ANKRD6: variants seen among roughly 807,000 people sequenced by gnomAD.
ANKRD6 encodes the protein ankyrin repeat domain 6.
A neutral mutation model predicts 82.3 loss-of-function variants in ANKRD6; 56 were observed. The ratio of observed to expected loss-of-function variants is 0.68; its 90% CI spans 0.55 to 0.85. The LOEUF is 0.85. Among genes scored for constraint, ANKRD6 ranks in the 40% least tolerant of loss-of-function variants. The pLI, the probability that ANKRD6 is intolerant of heterozygous loss-of-function variation, is 0.00. For synonymous variants in ANKRD6, 347 were observed against 352.1 expected (o/e 0.99, Z 0.16); for missense variants, 852 against 907.6 (o/e 0.94, Z 0.79).
intron 1 of ANKRD6, among the ~76,000 whole-genome samples, chr6:89,559,942 C>T (rs1391063049): frequency 6.6e-6 from 1 of 152,064 alleles, no homozygotes; most frequent in Non-Finnish European, 1.5e-5. Context: ...ATCACAGGCT[C>T]CTGAAGACCA....
chr6:89,518,160 T>C (rs1781448658), intron 1 of ANKRD6, among the ~76,000 whole-genome samples: 1 of 152,038 alleles, frequency 6.6e-6, no homozygotes, highest in Non-Finnish European at 1.5e-5. Flanking sequence ...CCTAGCACTT[T>C]GGGAGGCCGA....
At chr6:89,613,136 G>T (rs1034152200) in intron 6 of ANKRD6, among the ~76,000 whole-genome samples, 4 of 152,172 alleles carry the variant, frequency 2.6e-5, no homozygotes, top group African/African-American at 9.7e-5. Context: ...GTTCTTTATT[G>T]TCTTTGTGGG....
At chr6:89,533,116 C>T (rs1037084839) in intron 1 of ANKRD6, among the ~76,000 whole-genome samples, 2 of 152,192 alleles carry the variant, frequency 1.3e-5, no homozygotes, top group South Asian at 4.2e-4. Context: ...ACCTCGTGAT[C>T]CACCTCCCTC....
At chr6:89,627,507 C>T (rs925526590) in intron 13 of ANKRD6, 76 bp from the exon 14 acceptor site, 3 of 1,379,828 alleles carry the variant, frequency 2.2e-6, no homozygotes, top group African/African-American at 2.8e-5. Context: ...TCCCCAAGCC[C>T]CTCTGCAGGA....
At chr6:89,484,615 A>G (rs1165323806) in intron 1 of ANKRD6, among the ~76,000 whole-genome samples, 2 of 152,218 alleles carry the variant, frequency 1.3e-5, no homozygotes, top group Non-Finnish European at 2.9e-5. Context: ...GCCTTTTGCA[A>G]TATGAGTTCA....
At chr6:89,437,071 T>G (rs1770733061) in intron 1 of ANKRD6, among the ~76,000 whole-genome samples, 1 of 152,198 alleles carries the variant, frequency 6.6e-6, no homozygotes, top group African/African-American at 2.4e-5. Flanking sequence ...TATAAGTATT[T>G]AAGTGAATGC....
intron 1 of ANKRD6, among the ~76,000 whole-genome samples, chr6:89,498,948 C>T (rs893796959): frequency 2.6e-5 from 4 of 152,168 alleles, no homozygotes; most frequent in Non-Finnish European, 4.4e-5. Flanking sequence ...GGCCCATTCC[C>T]AACCACTCTC....
chr6:89,536,196 C>T (rs1015636649), intron 1 of ANKRD6, among the ~76,000 whole-genome samples: 2 of 152,200 alleles, frequency 1.3e-5, no homozygotes, highest in Non-Finnish European at 2.9e-5. Flanking sequence ...CACCAATGCA[C>T]TCCAGCCTGA....
chr6:89,599,464 C>G (rs539292784), intron 3 of ANKRD6, among the ~76,000 whole-genome samples: 4 of 152,296 alleles, frequency 2.6e-5, no homozygotes, highest in African/African-American at 9.6e-5. Context: ...TCATGATTGA[C>G]TTAGGTAGGT....
chr6:89,499,916 A>G (rs1343034382), intron 1 of ANKRD6, among the ~76,000 whole-genome samples: 1 of 152,170 alleles, frequency 6.6e-6, no homozygotes, highest in African/African-American at 2.4e-5. Context: ...ACTGCAAACC[A>G]AAGAGTAATG....
intron 1 of ANKRD6, among the ~76,000 whole-genome samples, chr6:89,552,288 T>G (rs1452114503): frequency 6.6e-6 from 1 of 152,198 alleles, no homozygotes; most frequent in Admixed American, 6.5e-5. Flanking sequence ...TTAGAGTGCT[T>G]CTTCCTGCCA....
intron 10 of ANKRD6, among the ~76,000 whole-genome samples, chr6:89,622,384 T>C (rs1803759255): frequency 1.3e-5 from 2 of 152,138 alleles, no homozygotes; most frequent in South Asian, 2.1e-4. Flanking sequence ...TGGTGTCCAG[T>C]GTGTCACCTG....
Position 89,445,476 on chromosome 6 carries a change from C to T in ANKRD6, c.-144+12101C>T, listed in dbSNP as rs545378868. Among the ~76,000 whole-genome samples the T allele has an allele frequency of 4.6e-5, 7 of 151,110 alleles. No individual in the cohort carries two copies. The East Asian group carries it at 1.4e-3, about 29-fold the overall frequency. On this transcript the variant is annotated intron_variant, in intron 1 of 15. Transcript: ENST00000339746. ...TTTATTTATTTATTTGACATGGAGT[C>T]TCCCTCTGTCGCCAGGCTGGAGTGC...
intron 2 of ANKRD6, chr6:89,568,440 A>G (rs1789032283): frequency 6.6e-6 from 1 of 152,182 alleles, no homozygotes; most frequent in Non-Finnish European, 1.5e-5. Flanking sequence ...TATTTTATAA[A>G]CAGCTTTATT....
At chr6:89,502,327 T>A (rs1779356770) in intron 1 of ANKRD6, among the ~76,000 whole-genome samples, 1 of 152,180 alleles carries the variant, frequency 6.6e-6, no homozygotes, top group Admixed American at 6.5e-5. Context: ...TGCAGAATAA[T>A]CATTTGAACA....
intron 1 of ANKRD6, among the ~76,000 whole-genome samples, chr6:89,543,052 G>A (rs16881932): frequency 0.016 from 2,448 of 152,156 alleles, 69 homozygotes; most frequent in African/African-American, 0.056. Context: ...GGTTTTTTAC[G>A]GTACTTAACA....
At chr6:89,612,209 G>A (rs541228037) in intron 5 of ANKRD6, 63 bp from the exon 6 acceptor site, 2 of 1,438,518 alleles carry the variant, frequency 1.4e-6, no homozygotes, top group South Asian at 2.5e-5. Context: ...CCTCTGCAAG[G>A]CATGCAAGTC....
intron 1 of ANKRD6, among the ~76,000 whole-genome samples, chr6:89,532,703 T>A (rs1783321468): frequency 6.6e-6 from 1 of 152,090 alleles, no homozygotes; most frequent in Admixed American, 6.6e-5. Flanking sequence ...AAATTGATTT[T>A]TTTTTCTTTT....
chr6:89,516,384 A>G (rs1414869036), intron 1 of ANKRD6, among the ~76,000 whole-genome samples: 1 of 152,142 alleles, frequency 6.6e-6, no homozygotes, highest in African/African-American at 2.4e-5. Context: ...AGGCTTTTAG[A>G]CTGAGACTCA....
Sources: allele counts gnomAD v4.1 joint callset (sites outside exome capture counted in the v4.1 genomes callset), GRCh38; gene constraint gnomAD v4.1.1; transcripts MANE v1.5; gene names NCBI Gene and HGNC (gene_info 2026-07-23, HGNC 2026-07-21).